The following SPOP variants were observed in gnomAD, a reference collection of about 807,000 sequenced individuals.
SPOP encodes speckle-type POZ protein.
In SPOP, 11 loss-of-function variants were observed where a neutral mutation model predicts 45.6. The ratio of observed to expected loss-of-function variants is 0.24; its 90% CI spans 0.15 to 0.40. The LOEUF is 0.40. Among genes scored for constraint, SPOP ranks in the 10% least tolerant of loss-of-function variants. The probability of loss-of-function intolerance (pLI) is 1.00; values close to 1 mark genes in which losing one functional copy is unlikely to be tolerated. For missense variants in SPOP, 152 were observed against 465.6 expected (o/e 0.33, Z 6.20); for synonymous variants, 166 against 166.3 (o/e 1.00, Z 0.01).
chr17:49,626,890 C>T (rs1265046242), intron 1 of SPOP, among the ~76,000 whole-genome samples: 2 of 152,002 alleles, frequency 1.3e-5, no homozygotes, highest in South Asian at 2.1e-4. Context: ...CTTTCTCTGT[C>T]GCCCAGGCTG....
At chr17:49,611,573 T>C (rs1189439631) in intron 5 of SPOP, 116 bp from the exon 6 acceptor site, 1 of 949,682 alleles carries the variant, frequency 1.1e-6, no homozygotes, top group Non-Finnish European at 1.6e-6. Context: ...ATTAATCATA[T>C]TATCTTGAAA....
At chr17:49,659,411 G>A (rs186656321) in intron 1 of SPOP, among the ~76,000 whole-genome samples, 7 of 152,180 alleles carry the variant, frequency 4.6e-5, no homozygotes, top group East Asian at 3.9e-4. Flanking sequence ...GCTAATGGAC[G>A]GATCATTCAC....
At chr17:49,624,842 TAAA>T (rs79231250) in intron 1 of SPOP, among the ~76,000 whole-genome samples, 1 of 71,822 alleles carries the variant, frequency 1.4e-5, no homozygotes. Context: ...AAAGACAAAC[TAAA>T]AAAAAAAAAA....
intron 1 of SPOP, among the ~76,000 whole-genome samples, chr17:49,656,908 G>GC (rs2072919707): frequency 6.6e-6 from 1 of 152,134 alleles, no homozygotes; most frequent in Non-Finnish European, 1.5e-5. Context: ...TAGGCCAGGC[G>GC]CAGTGGCTCA....
chr17:49,607,219 A>C, intron 8 of SPOP, 31 bp downstream of exon 8: 1 of 1,613,702 alleles, frequency 6.2e-7, no homozygotes, highest in East Asian at 2.2e-5. Context: ...AATAACTCCT[A>C]GTCCTGATTA....
intron 1 of SPOP, among the ~76,000 whole-genome samples, chr17:49,657,058 G>A (rs935083064): frequency 1.3e-5 from 2 of 151,912 alleles, no homozygotes; most frequent in South Asian, 2.1e-4. Context: ...GGTGGCGGGC[G>A]CCTGTAGTCC....
chr17:49,659,750 T>G (rs1430165608), intron 1 of SPOP, among the ~76,000 whole-genome samples: 2 of 152,198 alleles, frequency 1.3e-5, no homozygotes, highest in Non-Finnish European at 2.9e-5. Flanking sequence ...CTTAACATAT[T>G]TATACTTAGC....
At chr17:49,655,711 A>C (rs1233200743) in intron 1 of SPOP, among the ~76,000 whole-genome samples, 1 of 152,202 alleles carries the variant, frequency 6.6e-6, no homozygotes, top group African/African-American at 2.4e-5. Context: ...GTTGATGGAT[A>C]ATGTATATGA....
chr17:49,607,872 A>T lies in SPOP; in HGVS notation c.714+2T>A. The stretch of plus-strand genomic sequence containing the variant: ...CAGACATGTCTTCATCTTGTTACAT[A>T]CCTTTTTGCTCTCCTCCATTTCATG... On this transcript the variant is annotated splice_donor_variant, in intron 7 of 9. Coordinates refer to ENST00000504102, the MANE Select transcript of SPOP (RefSeq NM_001007228.2). LOFTEE classifies it high-confidence loss of function. The T allele has an allele frequency of 6.2e-7, 1 of 1,611,128 alleles. No individual in the cohort carries two copies. The highest frequency in any genetic ancestry group is 8.5e-7 in the Non-Finnish European group (1 of 1,178,218).
In SPOP at chr17:49,607,309, T is replaced by C; in HGVS notation, c.778A>G (p.Thr260Ala). Residue 260 changes from threonine to alanine, a missense_variant, in exon 8 of 10, where the codon ACG (threonine) becomes GCG (alanine). Coordinates refer to ENST00000504102, the MANE Select transcript of SPOP (RefSeq NM_001007228.2). Reference sequence around the variant, plus strand: ...TTGTCGAGGTTTGGAGCCTTCCCCGTGTAAATGAAGCACATCATTTCCTTA... The same window carrying C: ...TTGTCGAGGTTTGGAGCCTTCCCCGCGTAAATGAAGCACATCATTTCCTTA... Reference protein sequence around the residue: ...VFKEMMCFIYTGKAPNLDKMA... With the variant: ...VFKEMMCFIYAGKAPNLDKMA... 6.2e-7 allele frequency: 1 copy of C among 1,614,168 alleles called. No individual in the cohort carries two copies. The highest frequency in any genetic ancestry group is 8.5e-7 in the Non-Finnish European group (1 of 1,180,026).
At chr17:49,609,961 A>G (rs1207286083) in intron 6 of SPOP, among the ~76,000 whole-genome samples, 1 of 152,124 alleles carries the variant, frequency 6.6e-6, no homozygotes, top group Non-Finnish European at 1.5e-5. Flanking sequence ...CACGAGGAAG[A>G]ACACCTCCAC....
At position 49,635,903 on chromosome 17, in the gene SPOP, G is replaced by A. The variant is rs567480262; in HGVS notation, c.-66-13027C>T. ...CCTGCCTCGGCCTCTCAAAGTGCTG[G>A]GATTATAGGTGTGAGCCACCGCACC... On this transcript the variant is annotated intron_variant, in intron 1 of 9. Coordinates refer to ENST00000504102, the MANE Select transcript of SPOP (RefSeq NM_001007228.2). Among the ~76,000 whole-genome samples the A allele has an allele frequency of 7.9e-5, 12 of 151,886 alleles. No individual in the cohort carries two copies. The East Asian group carries it at 2.1e-3, about 27-fold the overall frequency.
intron 6 of SPOP, among the ~76,000 whole-genome samples, chr17:49,609,261 G>A (rs1597909094): frequency 1.3e-5 from 2 of 152,178 alleles, no homozygotes; most frequent in Middle Eastern, 3.4e-3. Flanking sequence ...TTAACCCTCT[G>A]AACTTCAGTA....
intron 1 of SPOP, among the ~76,000 whole-genome samples, chr17:49,659,457 T>C (rs1262390896): frequency 6.6e-6 from 1 of 152,216 alleles, no homozygotes; most frequent in African/African-American, 2.4e-5. Context: ...TTTCATTCCT[T>C]GCCTATTGTC....
intron 1 of SPOP, among the ~76,000 whole-genome samples, chr17:49,668,466 T>C (rs1475203827): frequency 6.6e-6 from 1 of 152,132 alleles, no homozygotes; most frequent in African/African-American, 2.4e-5. Flanking sequence ...CTGGAGTATA[T>C]AGTACATATT....
At chr17:49,613,356 T>A (rs1338505953) in intron 5 of SPOP, among the ~76,000 whole-genome samples, 1 of 151,182 alleles carries the variant, frequency 6.6e-6, no homozygotes, top group Non-Finnish European at 1.5e-5. Context: ...GGATGGCCAA[T>A]GAAGGGAATG....
chr17:49,624,324 C>CGT (rs1328085062), intron 1 of SPOP, among the ~76,000 whole-genome samples: 5 of 93,082 alleles, frequency 5.4e-5, no homozygotes, highest in Non-Finnish European at 9.0e-5. Context: ...CACACACGCG[C>CGT]GCGCGCGCAC....
chr17:49,600,117 A>C lies in SPOP; in HGVS notation c.*261T>G. On this transcript the variant is annotated 3_prime_UTR_variant, in exon 10 of 10. Transcript: ENST00000504102. This position sits in a 1 kb window ranked among gnomAD's most constrained non-coding sequence, Gnocchi z 4.2. ...TGGGATATCCTCGGGCCAGCGCCTA[A>C]ACTGAATCCCCACAGTATCAAACTC... 1 of 491,082 alleles carries C rather than the reference A, an allele frequency of 2.0e-6. No homozygotes were observed. Among genetic ancestry groups the C allele is most frequent in the South Asian group, 2.7e-5 (1 of 37,098 alleles). The allele number at this position is 491,082 out of a possible 1,614,324, so 30.4% of individuals were successfully genotyped here.
intron 1 of SPOP, chr17:49,646,539 G>A (rs2072762404): frequency 2.0e-5 from 3 of 151,366 alleles, no homozygotes; most frequent in Admixed American, 6.6e-5. Context: ...AAAAAAGAGA[G>A]AGAGAGAGAG....
Sources: gnomAD v4.1 joint callset for allele counts (sites outside exome capture counted in the v4.1 genomes callset) on GRCh38, gnomAD v4.1.1 for gene constraint, Gnocchi (gnomAD v3.1) non-coding constraint, MANE v1.5 for transcripts, NCBI Gene and HGNC (gene_info 2026-07-23, HGNC 2026-07-21) for gene names.